Variants in FBN3 observed in about 807,000 individuals in gnomAD.
The protein encoded by FBN3 is fibrillin-3.
FBN3 carries 234 observed loss-of-function variants against 330.1 expected under a neutral mutation model. The ratio of observed to expected loss-of-function variants is 0.71; its 90% CI spans 0.64 to 0.79. The LOEUF is 0.79. Among genes scored for constraint, FBN3 ranks in the 30% least tolerant of loss-of-function variants. The pLI is 0.00. For missense variants in FBN3, 3,606 were observed against 3,886.9 expected, an observed-to-expected ratio of 0.93 and a Z score of 1.92; for synonymous variants, 1,458 against 1,517.3, an observed-to-expected ratio of 0.96 and a Z score of 0.91.
Position 8,141,826 on chromosome 19 carries a change from C to A in FBN3, c.756G>T (p.Gln252His), listed in dbSNP as rs201984325. 465 of 1,614,100 alleles carry A rather than the reference C, an allele frequency of 2.9e-4. No individual in the cohort carries two copies. Among genetic ancestry groups the A allele is most frequent in the Non-Finnish European group, 3.6e-4 (423 of 1,180,034 alleles). ...CTCCCTGGCACAGGCCTGGCACAGC[C>A]TGGCACTCATCCACATCTGCAAGGA... Reference protein sequence around the residue: ...TGACQDVDECQAVPGLCQGGS... With the variant: ...TGACQDVDECHAVPGLCQGGS... Residue 252 changes from glutamine to histidine, a missense_variant, in exon 8 of 64, where the codon CAG (glutamine) becomes CAT (histidine). Gln to His is a conservative substitution (Grantham distance 24). Coordinates refer to ENST00000600128, the MANE Select transcript of FBN3 (RefSeq NM_032447.5).
rs552556695 is a variant in FBN3 at position 8,118,806 on chromosome 19, C to T, written c.3337+91G>A. On this transcript the variant is annotated intron_variant, in intron 26 of 63. Transcript: ENST00000600128. ...AAAGACAGATACACATGCCCACCCT[C>T]TCACTCATCCAGCCCACATTCACCA... 32 of 1,495,232 alleles carry T rather than the reference C, an allele frequency of 2.1e-5. No individual in the cohort carries two copies. The Middle Eastern group carries it at 5.3e-4, about 25-fold the overall frequency. The allele number at this position is 1,495,232 out of a possible 1,614,324, so 92.6% of individuals were successfully genotyped here.
chr19:8,090,379 G>T, intron 48 of FBN3, 128 bp from the exon 49 acceptor site: 1 of 1,000,200 alleles, frequency 1.0e-6, no homozygotes, highest in Non-Finnish European at 1.5e-6. Flanking sequence ...ATCAGAACAT[G>T]CCATGCCCCT....
intron 29 of FBN3, 107 bp downstream of exon 29, chr19:8,116,566 TG>T: frequency 8.5e-7 from 1 of 1,173,024 alleles, no homozygotes. Context: ...ATGGCAGGGG[TG>T]GGGCCTGGCA....
At chr19:8,080,351 C>T (rs909408369) in intron 59 of FBN3, among the ~76,000 whole-genome samples, 6 of 152,188 alleles carry the variant, frequency 3.9e-5, no homozygotes, top group African/African-American at 1.4e-4. Context: ...TAGCAGATGC[C>T]CTTGTGGCTT....
Position 8,088,191 on chromosome 19 carries a change from T to G in FBN3, c.6377-12A>C, listed in dbSNP as rs1235455348. On this transcript the variant is annotated splice_polypyrimidine_tract_variant and intron_variant, in intron 51 of 63. Coordinates refer to ENST00000600128, the MANE Select transcript of FBN3 (RefSeq NM_032447.5). ...GCACTCGTCTGTGTCTGGGTGGGAG[T>G]AAGGGGGTGGTCAGCACCTGCAGAG... The G allele has an allele frequency of 6.3e-7, 1 of 1,580,534 alleles. No homozygotes were observed.
chr19:8,097,122 C>T (rs978196663), intron 42 of FBN3, 116 bp from the exon 43 acceptor site: 1 of 1,497,796 alleles, frequency 6.7e-7, no homozygotes, highest in Non-Finnish European at 9.1e-7. Context: ...GCAGCCAGAG[C>T]TGGAGTAAGG....
At chr19:8,114,891 CG>C (rs969073788) in intron 30 of FBN3, among the ~76,000 whole-genome samples, 4 of 151,966 alleles carry the variant, frequency 2.6e-5, no homozygotes, top group Non-Finnish European at 4.4e-5. Flanking sequence ...TCTTTTGAGA[CG>C]GGGTCTCACT....
intron 25 of FBN3, among the ~76,000 whole-genome samples, chr19:8,120,161 CTTTCT>C (rs2082809265): frequency 1.5e-5 from 2 of 134,998 alleles, no homozygotes; most frequent in African/African-American, 6.0e-5. Context: ...TTCTTTCTTT[CTTTCT>C]TTTTTTTTTT....
chr19:8,095,612 T>G, intron 45 of FBN3, 109 bp from the exon 46 acceptor site: 2 of 1,208,038 alleles, frequency 1.7e-6, no homozygotes. Flanking sequence ...TGGCTTCAAC[T>G]TGAGCACTCA....
intron 48 of FBN3, among the ~76,000 whole-genome samples, 185 bp downstream of exon 48, chr19:8,091,280 T>C (rs2082088366): frequency 6.6e-6 from 1 of 152,208 alleles, no homozygotes; most frequent in African/African-American, 2.4e-5. Context: ...TAGCCCTCCA[T>C]AGACATGACC....
intron 61 of FBN3, 99 bp downstream of exon 61, chr19:8,074,972 G>T (rs866813107): frequency 6.8e-7 from 1 of 1,460,636 alleles, no homozygotes; most frequent in Non-Finnish European, 9.2e-7. Context: ...TTAGATAATT[G>T]TGCTTGTCAC....
intron 13 of FBN3, 26 bp downstream of exon 13, chr19:8,135,935 T>TTGGGGGGGGGGGGGGGGGGGGGGCGGGGC: frequency 7.4e-7 from 1 of 1,344,156 alleles, no homozygotes; most frequent in Non-Finnish European, 1.0e-6. Flanking sequence ...CGGAAGCCCC[T>TTGGGGGGGGGGGGGGGGGGGGGGCGGGGC]GCCCACCCGC....
rs12974280 is a variant in FBN3, at chr19:8,131,624, G to T, written c.1920C>A (p.Ser640=). Residue 640 remains serine (S), a synonymous_variant, in exon 15 of 64, where the codon TCC becomes TCA. Coordinates refer to ENST00000600128, the MANE Select transcript of FBN3 (RefSeq NM_032447.5). This position sits in a 1 kb window ranked among gnomAD's most constrained non-coding sequence, Gnocchi z 4.5. ...ARPFPGTVTK[S]ECCCANPDHG... ...GGTCCGGATTGGCACAGCAGCACTC[G>T]GACTTGGTGACAGTGCCAGGGAAGG... 7 of 1,614,022 alleles carry T rather than the reference G, an allele frequency of 4.3e-6. No homozygotes were observed. The highest frequency in any genetic ancestry group is 5.9e-6 in the Non-Finnish European group (7 of 1,179,954).
Position 8,121,763 on chromosome 19 carries a change from T to A in FBN3, c.3083-377A>T, listed in dbSNP as rs992864916. On this transcript the variant is annotated intron_variant, in intron 24 of 63. Transcript: ENST00000600128. This position sits in a 1 kb window ranked among gnomAD's most constrained non-coding sequence, Gnocchi z 4.5. The stretch of plus-strand genomic sequence containing the variant: ...TTATTACTTATTTATTTATTTACTT[T>A]TTTAGAGACAGAGTCTTGCTCTGTC... Among the ~76,000 whole-genome samples the A allele has an allele frequency of 8.5e-5, 13 of 152,104 alleles. No individual in the cohort carries two copies. The highest frequency in any genetic ancestry group is 1.9e-4 in the African/African-American group (8 of 41,412).
chr19:8,109,741 C>G lies in FBN3; in HGVS notation c.4346G>C (p.Cys1449Ser). The G allele has an allele frequency of 6.6e-7, 1 of 1,522,762 alleles. No homozygotes were observed. Among genetic ancestry groups the G allele is most frequent in the South Asian group, 1.3e-5 (1 of 75,908 alleles). The allele number at this position is 1,522,762 out of a possible 1,614,324, so 94.3% of individuals were successfully genotyped here. ...GTTGATGCAGTTTACTGGGTCTGCA[C>G]ACTCGTTGATGTCTGTAGGGAGGAA... ...GGGNCTDINE[C>S]ADPVNCINGV... Residue 1449 changes from cysteine (C) to serine (S), a missense_variant, in exon 35 of 64, where the codon TGT (cysteine) becomes TCT (serine). By Grantham distance (112) the Cys-to-Ser change is moderately radical (BLOSUM62 -1). Coordinates refer to ENST00000600128, the MANE Select transcript of FBN3 (RefSeq NM_032447.5). This position sits in a 1 kb window ranked among gnomAD's most constrained non-coding sequence, Gnocchi z 5.2.
Position 8,102,725 on chromosome 19 carries a change from A to G in FBN3, c.5088T>C (p.Ser1696=), listed in dbSNP as rs756986147. Residue 1696 remains serine, a splice_region_variant and synonymous_variant, in exon 40 of 64, where the codon AGT becomes AGC. Transcript: ENST00000600128. ...RPCEACPTPI[S]PDYQILCGNQ... ...AGAAGGTTGGGGAGGGTTACTCACG[A>G]CTGATGGGAGTGGGGCAGGCCTCAC... The G allele has an allele frequency of 3.7e-6, 6 of 1,612,006 alleles. No individual in the cohort carries two copies. The African/African-American group carries it at 6.7e-5, about 18-fold the overall frequency.
chr19:8,085,894 G>A (rs1002546610), intron 55 of FBN3, among the ~76,000 whole-genome samples: 1 of 151,908 alleles, frequency 6.6e-6, no homozygotes, highest in Admixed American at 6.6e-5. Context: ...ATGTGTGTCC[G>A]GATTAGCTCA....
At chr19:8,092,140 T>C (rs1170252069) in intron 47 of FBN3, among the ~76,000 whole-genome samples, 3 of 150,492 alleles carry the variant, frequency 2.0e-5, no homozygotes, top group Non-Finnish European at 4.4e-5. Context: ...CTCATACCAC[T>C]GCACTTGAGC....
At chr19:8,122,899 G>A (rs2082887051) in intron 24 of FBN3, among the ~76,000 whole-genome samples, 1 of 151,372 alleles carries the variant, frequency 6.6e-6, no homozygotes, top group Admixed American at 6.6e-5. Context: ...TCCTGACATC[G>A]TGATCCGCCC....
Sources: gnomAD v4.1 joint callset for allele counts (sites outside exome capture counted in the v4.1 genomes callset) on GRCh38, gnomAD v4.1.1 for gene constraint, Gnocchi (gnomAD v3.1) non-coding constraint, MANE v1.5 for transcripts, NCBI Gene and HGNC (gene_info 2026-07-23, HGNC 2026-07-21) for gene names.